Variants in HIVEP3 observed in about 807,000 individuals in gnomAD.
HIVEP3 encodes the protein HIVEP zinc finger 3.
Under a neutral mutation model 152.8 loss-of-function variants are expected in HIVEP3, and 49 were observed. The observed-to-expected ratio is 0.32, with a 90% CI of 0.26 to 0.41. HIVEP3 has a LOEUF of 0.41. HIVEP3 is among the 10% of genes least tolerant of loss of function. The pLI, the probability that HIVEP3 is intolerant of heterozygous loss-of-function variation, is 1.00. For missense variants in HIVEP3, 2,790 were observed against 3,103.3 expected (o/e 0.90, Z 2.40); for synonymous variants, 1,269 against 1,289.0 (o/e 0.98, Z 0.33).
intron 1 of HIVEP3, among the ~76,000 whole-genome samples, chr1:41,806,756 G>C (rs1392905655): frequency 6.6e-6 from 1 of 152,156 alleles, no homozygotes; most frequent in Non-Finnish European, 1.5e-5. Context: ...GACCACTCAG[G>C]CTCACCTGGG....
intron 5 of HIVEP3, among the ~76,000 whole-genome samples, chr1:41,534,292 C>CA (rs1162692622): frequency 2.6e-5 from 4 of 152,138 alleles, no homozygotes; most frequent in Non-Finnish European, 2.9e-5. Context: ...CCCAGGGCAC[C>CA]ATCTGCCCTT....
At chr1:41,595,541 A>G (rs1318042582) in intron 3 of HIVEP3, among the ~76,000 whole-genome samples, 2 of 152,144 alleles carry the variant, frequency 1.3e-5, no homozygotes. Flanking sequence ...AACTATGGGA[A>G]GATGTTGATG....
intron 2 of HIVEP3, among the ~76,000 whole-genome samples, chr1:41,696,155 C>G (rs902579697): frequency 2.6e-5 from 4 of 152,252 alleles, no homozygotes; most frequent in Non-Finnish European, 5.9e-5. Flanking sequence ...CTCCTGAAGA[C>G]CAGTCCACAC....
At chr1:41,789,001 C>A (rs1649530363) in intron 1 of HIVEP3, among the ~76,000 whole-genome samples, 1 of 152,226 alleles carries the variant, frequency 6.6e-6, no homozygotes, top group Non-Finnish European at 1.5e-5. Flanking sequence ...CCCCCTGGCT[C>A]CTCGTCCCTC....
chr1:41,560,353 T>C (rs1644040541), intron 5 of HIVEP3, among the ~76,000 whole-genome samples: 1 of 152,168 alleles, frequency 6.6e-6, no homozygotes. Flanking sequence ...ACACATGCCG[T>C]GCTCAGAGGG....
intron 1 of HIVEP3, among the ~76,000 whole-genome samples, chr1:41,884,984 G>A (rs570402857): frequency 4.7e-4 from 71 of 152,154 alleles, no homozygotes; most frequent in Non-Finnish European, 1.6e-4. Context: ...ATTTTGTTGC[G>A]GAGGATTGGA....
chr1:41,879,934 G>C (rs1347312859), intron 1 of HIVEP3, among the ~76,000 whole-genome samples: 1 of 152,196 alleles, frequency 6.6e-6, no homozygotes, highest in Non-Finnish European at 1.5e-5. Flanking sequence ...ATGGTCTTAA[G>C]TGCTTTATAG....
At chr1:41,614,196 A>G (rs4083497) in intron 3 of HIVEP3, among the ~76,000 whole-genome samples, 131,011 of 152,280 alleles carry the variant, frequency 0.86, 56,770 homozygotes, top group East Asian at 1. Flanking sequence ...AGAAACAGAT[A>G]GCACATGGGA....
chr1:41,526,089 G>A (rs1462088552), intron 5 of HIVEP3, among the ~76,000 whole-genome samples: 1 of 152,000 alleles, frequency 6.6e-6, no homozygotes, highest in Non-Finnish European at 1.5e-5. Flanking sequence ...GCAAGGGACA[G>A]CGTGTCGGGG....
Position 41,602,515 on chromosome 1 carries a change from C to T in HIVEP3, c.-521-17197G>A, listed in dbSNP as rs551086200. Among the ~76,000 whole-genome samples, 11 of 152,204 alleles carry T rather than the reference C, an allele frequency of 7.2e-5. No homozygotes were observed. The South Asian group carries it at 2.3e-3, about 32-fold the overall frequency. ...TATCCATTTCTTTTAAGTTATCCAGCTTGTTGGCATAGAATTGTTCATAGT... is the reference window on the plus strand; with the variant it reads ...TATCCATTTCTTTTAAGTTATCCAGTTTGTTGGCATAGAATTGTTCATAGT... On this transcript the variant is annotated intron_variant, in intron 3 of 8. Transcript: ENST00000372583.
Position 41,609,561 on chromosome 1 carries a change from C to A in HIVEP3, c.-522+19188G>T, listed in dbSNP as rs568089630. On this transcript the variant is annotated intron_variant, in intron 3 of 8. Transcript: ENST00000372583. ...AAGTGTACCAGGAGAAAGGGTTCCA[C>A]CCCATCCTCTAAGGTTGCTCAAAGG... 2.2e-3 allele frequency among the ~76,000 whole-genome samples: 332 copies of A among 152,368 alleles called. 2 individuals are homozygous for A. The highest frequency in any genetic ancestry group is 3.4e-3 in the Non-Finnish European group (231 of 68,034).
intron 2 of HIVEP3, among the ~76,000 whole-genome samples, chr1:41,681,541 C>T (rs565325305): frequency 1.1e-4 from 17 of 152,316 alleles, no homozygotes; most frequent in African/African-American, 4.1e-4. Context: ...GGCCTCCTGC[C>T]TGTGTGATCC....
chr1:41,562,934 G>A (rs1284867169), intron 5 of HIVEP3, among the ~76,000 whole-genome samples: 5 of 152,008 alleles, frequency 3.3e-5, no homozygotes, highest in Admixed American at 6.6e-5. Context: ...AGCAGCTCAG[G>A]AGACTCTCCC....
At chr1:41,776,204 A>G (rs528936168) in intron 1 of HIVEP3, among the ~76,000 whole-genome samples, 19 of 152,380 alleles carry the variant, frequency 1.2e-4, no homozygotes, top group Non-Finnish European at 2.5e-4. Context: ...TGGACCCTAG[A>G]GTTTACAAAG....
chr1:41,524,662 C>A, intron 6 of HIVEP3, 73 bp downstream of exon 6: 1 of 1,419,168 alleles, frequency 7.0e-7, no homozygotes, highest in Non-Finnish European at 1.0e-6. Context: ...GGCACCTGAA[C>A]TCTGTGCTGG....
intron 4 of HIVEP3, among the ~76,000 whole-genome samples, chr1:41,577,927 G>A (rs1644350831): frequency 6.6e-6 from 1 of 152,222 alleles, no homozygotes; most frequent in Non-Finnish European, 1.5e-5. Flanking sequence ...AAACATGCCA[G>A]TGAACCAAAC....
chr1:41,796,330 C>T (rs779697072), intron 1 of HIVEP3, among the ~76,000 whole-genome samples: 1 of 152,216 alleles, frequency 6.6e-6, no homozygotes, highest in Admixed American at 6.5e-5. Context: ...CACGACAGCC[C>T]CAGGATGGCT....
intron 2 of HIVEP3, among the ~76,000 whole-genome samples, chr1:41,652,452 G>A (rs1645565474): frequency 6.6e-6 from 1 of 152,180 alleles, no homozygotes; most frequent in Non-Finnish European, 1.5e-5. Flanking sequence ...GAGGAGTGAG[G>A]AGAAGGATTT....
intron 2 of HIVEP3, among the ~76,000 whole-genome samples, chr1:41,633,856 C>G (rs377719337): frequency 6.6e-6 from 1 of 152,224 alleles, no homozygotes; most frequent in East Asian, 1.9e-4. Flanking sequence ...TCAGCACCCT[C>G]CCTTCGGCAA....
Sources: gnomAD v4.1 joint callset for allele counts (sites outside exome capture counted in the v4.1 genomes callset) on GRCh38, gnomAD v4.1.1 for gene constraint, MANE v1.5 for transcripts, NCBI Gene and HGNC (gene_info 2026-07-23, HGNC 2026-07-21) for gene names.